KIF16B: variants seen among roughly 807,000 people sequenced by gnomAD.
KIF16B encodes the protein kinesin family member 16B.
In KIF16B, 98 loss-of-function variants were observed where a neutral mutation model predicts 156.3. That is an observed-to-expected ratio of 0.63 (90% confidence interval 0.53 to 0.74). KIF16B has a LOEUF of 0.74. KIF16B is among the 30% of genes least tolerant of loss of function. KIF16B has a pLI of 0.00. For missense variants in KIF16B, 1,421 were observed against 1,606.5 expected (o/e 0.88, Z 1.97); for synonymous variants, 564 against 583.7 (o/e 0.97, Z 0.49).
At chr20:16,415,832 T>C (rs187324302) in intron 15 of KIF16B, among the ~76,000 whole-genome samples, 17 of 152,282 alleles carry the variant, frequency 1.1e-4, no homozygotes, top group Non-Finnish European at 2.1e-4. Flanking sequence ...GTTTTGGTTC[T>C]GCATAAGCTG....
At chr20:16,482,306 A>G (rs1350452489) in intron 12 of KIF16B, among the ~76,000 whole-genome samples, 2 of 152,012 alleles carry the variant, frequency 1.3e-5, no homozygotes, top group African/African-American at 4.8e-5. Flanking sequence ...TAAATAATGC[A>G]AAGGCAAAAT....
intron 18 of KIF16B, among the ~76,000 whole-genome samples, 157 bp downstream of exon 18, chr20:16,381,523 TACTCCAAAAAAAAA>T (rs2065094965): frequency 7.6e-6 from 1 of 131,600 alleles, no homozygotes. Flanking sequence ...AAAAACCATC[TACTCCAAAAAAAAA>T]AAAAAAAGAC....
intron 22 of KIF16B, 34 bp downstream of exon 22, chr20:16,370,552 G>A (rs759233114): frequency 1.3e-6 from 2 of 1,526,928 alleles, no homozygotes; most frequent in Non-Finnish European, 1.8e-6. Flanking sequence ...CATAATTTAA[G>A]GCGACCCTAT....
intron 12 of KIF16B, among the ~76,000 whole-genome samples, chr20:16,479,991 G>A (rs1000036988): frequency 6.6e-6 from 1 of 152,178 alleles, no homozygotes; most frequent in African/African-American, 2.4e-5. Context: ...CTTGGAGGGA[G>A]GAGGAGTACT....
chr20:16,427,167 G>A lies in KIF16B; in HGVS notation c.1549C>T (p.Leu517=), dbSNP rs6080258. 6.2e-7 allele frequency: 1 copy of A among 1,612,230 alleles called. No homozygotes were observed. The highest frequency in any genetic ancestry group is 8.5e-7 in the Non-Finnish European group (1 of 1,178,588). Residue 517 remains leucine (L), a synonymous_variant, in exon 15 of 26, where the codon CTG becomes TTG. Transcript: ENST00000354981. ...NIGGTVTLIP[L]SGSQCSVNGV... is the part of the protein sequence containing the mutation. ...TTCACAGAGCACTGGGACCCACTCA[G>A]GGGTATCAGAGTCACTGTCCCCCCG... is the stretch of plus-strand genomic sequence containing the variant.
intron 17 of KIF16B, among the ~76,000 whole-genome samples, chr20:16,398,248 G>A (rs563557739): frequency 6.6e-6 from 1 of 152,316 alleles, no homozygotes; most frequent in African/African-American, 2.4e-5. Flanking sequence ...CCTGGAGAAA[G>A]GTGTGACCCA....
At chr20:16,477,365 TGAG>T (rs1239737134) in intron 12 of KIF16B, among the ~76,000 whole-genome samples, 2 of 152,142 alleles carry the variant, frequency 1.3e-5, no homozygotes, top group Non-Finnish European at 2.9e-5. Flanking sequence ...CACAGTACTC[TGAG>T]GAGAACAGTG....
chr20:16,553,167 T>C (rs6034527), intron 1 of KIF16B, among the ~76,000 whole-genome samples: 124,821 of 152,150 alleles, frequency 0.82, 51,657 homozygotes, highest in African/African-American at 0.94. Flanking sequence ...CTCACAGTCA[T>C]ACTCCAGAGC....
intron 17 of KIF16B, among the ~76,000 whole-genome samples, chr20:16,387,290 G>T (rs1021205636): frequency 2.0e-5 from 3 of 152,150 alleles, no homozygotes; most frequent in African/African-American, 7.2e-5. Context: ...TTAATTTACA[G>T]GGGCACTGAT....
In KIF16B at chr20:16,298,340, T is replaced by C. The variant is rs1462918141; in HGVS notation, c.3795+13995A>G. The stretch of plus-strand genomic sequence containing the variant: ...CCTGTAATGATGTGTCTCTGCTCCA[T>C]TAGAATTGTGAGCTCCTTGAAGACG... On this transcript the variant is annotated intron_variant, in intron 25 of 25. Coordinates refer to ENST00000354981, the MANE Select transcript of KIF16B (RefSeq NM_024704.5). 2.6e-5 allele frequency among the ~76,000 whole-genome samples: 4 copies of C among 152,340 alleles called. No homozygotes were observed. The East Asian group carries it at 7.7e-4, about 29-fold the overall frequency.
chr20:16,420,013 T>C (rs1428437613), intron 15 of KIF16B, among the ~76,000 whole-genome samples: 1 of 152,156 alleles, frequency 6.6e-6, no homozygotes, highest in African/African-American at 2.4e-5. Context: ...GGAATCATCC[T>C]ATAGAATCAC....
rs534191941 is a variant in KIF16B, at chr20:16,479,527, T to A, written c.1302+14764A>T. Among the ~76,000 whole-genome samples, 912 of 150,474 alleles carry A rather than the reference T, an allele frequency of 6.1e-3. 8 individuals carry two copies. The highest frequency in any genetic ancestry group is 0.02 in the African/African-American group (791 of 40,212). ...TGTACCTCAGAACTTTAAAAAAAAA[T>A]TAATATTGAATAAATAAGGCCAAAC... is the stretch of plus-strand genomic sequence containing the variant. On this transcript the variant is annotated intron_variant, in intron 12 of 25. Transcript: ENST00000354981.
chr20:16,499,994 G>A (rs1209953938), intron 10 of KIF16B, among the ~76,000 whole-genome samples: 3 of 152,118 alleles, frequency 2.0e-5, no homozygotes, highest in African/African-American at 4.8e-5. Flanking sequence ...TTACAAAAGG[G>A]TAGTAATAGC....
intron 23 of KIF16B, among the ~76,000 whole-genome samples, chr20:16,336,898 C>T (rs549392934): frequency 6.6e-6 from 1 of 152,268 alleles, no homozygotes; most frequent in South Asian, 2.1e-4. Flanking sequence ...TGACTTTAGG[C>T]CTTTGGGTCT....
At chr20:16,359,780 C>T (rs2144885) in intron 22 of KIF16B, among the ~76,000 whole-genome samples, 103,246 of 152,032 alleles carry the variant, frequency 0.68, 36,318 homozygotes, top group East Asian at 0.97. Context: ...TCTAGGGCAG[C>T]CTTTGACACA....
intron 1 of KIF16B, among the ~76,000 whole-genome samples, chr20:16,546,939 G>C (rs2070430768): frequency 6.6e-6 from 1 of 152,004 alleles, no homozygotes; most frequent in Non-Finnish European, 1.5e-5. Context: ...ACCAGGCCTG[G>C]CTAATTTTTG....
rs1041950804 is a variant in KIF16B at position 16,401,204 on chromosome 20, C to T, written c.1784+3609G>A. On this transcript the variant is annotated intron_variant, in intron 17 of 25. Transcript: ENST00000354981. ...AGGTCAACAGGCTGCATAATGGTAG[C>T]GTCAGATGCATCCAGAACCACTGTA... Among the ~76,000 whole-genome samples the T allele has an allele frequency of 1.2e-4, 19 of 152,282 alleles. No individual in the cohort carries two copies. In the East Asian group the frequency reaches 2.1e-3, roughly 17 times the overall value.
intron 15 of KIF16B, among the ~76,000 whole-genome samples, chr20:16,410,743 CA>C (rs1429302202): frequency 6.6e-6 from 1 of 152,030 alleles, no homozygotes; most frequent in African/African-American, 2.4e-5. Flanking sequence ...CCTGGTGATC[CA>C]TGTCTTTTTG....
chr20:16,511,339 T>C (rs2068948922), intron 6 of KIF16B, 79 bp downstream of exon 6: 1 of 766,906 alleles, frequency 1.3e-6, no homozygotes, highest in Non-Finnish European at 2.1e-6. Flanking sequence ...AGCTCACCAT[T>C]ATGCTATATT....
Sources: gnomAD v4.1 joint callset for allele counts (sites outside exome capture counted in the v4.1 genomes callset) on GRCh38, gnomAD v4.1.1 for gene constraint, MANE v1.5 for transcripts, NCBI Gene and HGNC (gene_info 2026-07-23, HGNC 2026-07-21) for gene names.